SRD5A2: variants seen among roughly 807,000 people sequenced by gnomAD.
SRD5A2 encodes the protein steroid 5 alpha-reductase 2, also known as 3-oxo-5-alpha-steroid 4-dehydrogenase 2.
Under a neutral mutation model 27.4 loss-of-function variants are expected in SRD5A2, and 30 were observed. The ratio of observed to expected loss-of-function variants is 1.10; its 90% CI spans 0.82 to 1.49. The LOEUF (loss-of-function observed/expected upper bound fraction) is 1.49. Ranked by LOEUF, SRD5A2 falls within the 40% of genes most tolerant of loss-of-function variation. SRD5A2 has a pLI of 0.00. For synonymous variants in SRD5A2, 141 were observed against 133.6 expected (o/e 1.06, Z -0.38); for missense variants, 348 against 323.4 (o/e 1.08, Z -0.58).
the SRD5A2 span, among the ~76,000 whole-genome samples, chr2:31,619,700 CT>C: frequency 1.3e-5 from 2 of 151,926 alleles, no homozygotes; most frequent in African/African-American, 2.4e-5. Flanking sequence ...CAGTGATGAA[CT>C]TTTTTTCATA....
At position 31,562,466 on chromosome 2, in the gene SRD5A2, A is replaced by G. The variant is rs541402847; in HGVS notation, c.281+18154T>C. ...GTAGTCAGTCTGTATCAAATACTAG[A>G]ACTTATTCATTCAATCTAATCATAT... is the stretch of plus-strand genomic sequence containing the variant. On this transcript the variant is annotated intron_variant, in intron 1 of 4. Transcript: ENST00000622030. 3.7e-4 allele frequency among the ~76,000 whole-genome samples: 57 copies of G among 152,236 alleles called. No homozygotes were observed. In the South Asian group the frequency reaches 5.4e-3, roughly 14 times the overall value.
At chr2:31,616,818 G>T in the SRD5A2 span, among the ~76,000 whole-genome samples, 1 of 152,138 alleles carries the variant, frequency 6.6e-6, no homozygotes, top group Non-Finnish European at 1.5e-5. Flanking sequence ...GAAATGTGAG[G>T]ACATGAGATT....
chr2:31,535,762 C>G (rs1180447228), intron 1 of SRD5A2, among the ~76,000 whole-genome samples: 1 of 152,114 alleles, frequency 6.6e-6, no homozygotes, highest in Non-Finnish European at 1.5e-5. Context: ...CAAATACACA[C>G]AACAAGAGAA....
chr2:31,636,456 A>G, the SRD5A2 span, among the ~76,000 whole-genome samples: 1 of 152,032 alleles, frequency 6.6e-6, no homozygotes, highest in Non-Finnish European at 1.5e-5. Flanking sequence ...TTTTAATAAA[A>G]GATGCCCTTT....
the SRD5A2 span, among the ~76,000 whole-genome samples, chr2:31,656,102 G>A: frequency 3.9e-5 from 6 of 152,118 alleles, no homozygotes; most frequent in Non-Finnish European, 8.8e-5. Flanking sequence ...TGAAGGAGAG[G>A]GAATCAAGAA....
the SRD5A2 span, among the ~76,000 whole-genome samples, chr2:31,619,376 T>C: frequency 6.6e-6 from 1 of 152,174 alleles, no homozygotes; most frequent in Non-Finnish European, 1.5e-5. Flanking sequence ...ATCTTTGCTA[T>C]TGTGAATAGT....
At position 31,580,836 on chromosome 2, in the gene SRD5A2, G is replaced by GC. The variant is rs771055136; in HGVS notation, c.64dup (p.Ala22GlyfsTer114). The GC allele has an allele frequency of 1.9e-6, 3 of 1,612,014 alleles. No individual in the cohort carries two copies. In the South Asian group the frequency reaches 3.3e-5, roughly 18 times the overall value. On this transcript the variant is annotated frameshift_variant, in exon 1 of 5. Transcript: ENST00000622030. LOFTEE classifies it high-confidence loss of function. Reference sequence around the variant, plus strand: ...GGGCTTCGCGACGTACAAGGCCAGTGCCCCAAGGGCGACCAAAGTGGCGCT... The same window carrying GC: ...GGGCTTCGCGACGTACAAGGCCAGTGCCCCCAAGGGCGACCAAAGTGGCGCT...
At position 31,547,862 on chromosome 2, in the gene SRD5A2, C is replaced by CATAG. The variant is rs10587327; in HGVS notation, c.282-14100_282-14097dup. Among the ~76,000 whole-genome samples the CATAG allele has an allele frequency of 4.3e-3, 659 of 151,660 alleles. 3 individuals carry two copies. Among genetic ancestry groups the CATAG allele is most frequent in the South Asian group, 0.015 (72 of 4,808 alleles). On this transcript the variant is annotated intron_variant, in intron 1 of 4. Coordinates refer to ENST00000622030, the MANE Select transcript of SRD5A2 (RefSeq NM_000348.4). ...CTTATATCTCCCCCGCCTCTCTCTA[C>CATAG]ATAGATAGATAGATAGATAGATATA...
At chr2:31,581,530 G>A (rs1413186100), upstream of SRD5A2, among the ~76,000 whole-genome samples, 2 of 151,994 alleles carry the variant, frequency 1.3e-5, no homozygotes, top group African/African-American at 4.8e-5. Flanking sequence ...CCCACCACAC[G>A]CCCCCGGCAG....
upstream of SRD5A2, among the ~76,000 whole-genome samples, chr2:31,585,374 C>G (rs571671492): frequency 2.0e-5 from 3 of 152,078 alleles, no homozygotes; most frequent in East Asian, 1.9e-4. Flanking sequence ...CTGCACAACT[C>G]ACAACTCTAA....
At chr2:31,619,715 T>C in the SRD5A2 span, among the ~76,000 whole-genome samples, 1 of 152,148 alleles carries the variant, frequency 6.6e-6, no homozygotes, top group Non-Finnish European at 1.5e-5. Context: ...TTTCATATGA[T>C]TGTTGGCCAT....
chr2:31,627,188 T>G, the SRD5A2 span, among the ~76,000 whole-genome samples: 1 of 152,176 alleles, frequency 6.6e-6, no homozygotes, highest in Non-Finnish European at 1.5e-5. Flanking sequence ...TGTATTTCTT[T>G]GGGATCAGTG....
chr2:31,583,625 AAAACAAAAAAAAAGCAAAAAAAAAAC>A (rs1558379379), upstream of SRD5A2, among the ~76,000 whole-genome samples: 14 of 42,368 alleles, frequency 3.3e-4, no homozygotes, highest in African/African-American at 8.0e-4. Context: ...AAAAAAAAAA[AAAACAAAAAAAAAGCAAAAAAAAAAC>A]CAAAAAAAAA....
the SRD5A2 span, among the ~76,000 whole-genome samples, chr2:31,599,948 C>T: frequency 2.9e-5 from 2 of 68,840 alleles, no homozygotes; most frequent in East Asian, 3.6e-4. Context: ...AAGCCTACTA[C>T]CCATTAGTTA....
At chr2:31,639,657 T>C in the SRD5A2 span, among the ~76,000 whole-genome samples, 1 of 152,010 alleles carries the variant, frequency 6.6e-6, no homozygotes, top group Non-Finnish European at 1.5e-5. Context: ...TTAAGCACCC[T>C]AAAATGTTGT....
chr2:31,615,423 TA>T, the SRD5A2 span, among the ~76,000 whole-genome samples: 1,358 of 151,892 alleles, frequency 8.9e-3, 19 homozygotes, highest in South Asian at 0.027. Flanking sequence ...GGAACTGGAG[TA>T]AAGGTGACTC....
chr2:31,560,477 A>C (rs1479379658), intron 1 of SRD5A2, among the ~76,000 whole-genome samples: 1 of 152,202 alleles, frequency 6.6e-6, no homozygotes, highest in African/African-American at 2.4e-5. Context: ...ACTGATTCTT[A>C]ATAAGCCCTT....
intron 1 of SRD5A2, among the ~76,000 whole-genome samples, chr2:31,570,278 A>T (rs183605437): frequency 8.3e-4 from 126 of 152,324 alleles, no homozygotes; most frequent in African/African-American, 3.0e-3. Flanking sequence ...CAAAAACTAC[A>T]TGATTATCTT....
chr2:31,533,175 A>G (rs1251741072), intron 2 of SRD5A2, among the ~76,000 whole-genome samples: 1 of 152,088 alleles, frequency 6.6e-6, no homozygotes, highest in Non-Finnish European at 1.5e-5. Context: ...AAGACTGGAC[A>G]CCCCTGTACT....
Sources: allele counts gnomAD v4.1 joint callset (sites outside exome capture counted in the v4.1 genomes callset), GRCh38; gene constraint gnomAD v4.1.1; transcripts MANE v1.5; gene names NCBI Gene and HGNC (gene_info 2026-07-23, HGNC 2026-07-21).